The following CACNA1C variants were observed in gnomAD, a reference collection of about 807,000 sequenced individuals.
The protein encoded by CACNA1C is voltage-dependent L-type calcium channel subunit alpha-1C.
A neutral mutation model predicts 229.0 loss-of-function variants in CACNA1C; 30 were observed. The observed-to-expected ratio is 0.13, with a 90% confidence interval of 0.10 to 0.18. The LOEUF (loss-of-function observed/expected upper bound fraction) is 0.18. Among genes scored for constraint, CACNA1C ranks in the 10% least tolerant of loss-of-function variants. CACNA1C has a pLI of 1.00. For missense variants in CACNA1C, 1,658 were observed against 2,845.0 expected (o/e 0.58, Z 9.49); for synonymous variants, 1,114 against 1,132.5 (o/e 0.98, Z 0.33).
intron 1 of CACNA1C, among the ~76,000 whole-genome samples, chr12:1,988,464 G>A (rs1484508691): frequency 6.6e-6 from 1 of 152,178 alleles, no homozygotes; most frequent in African/African-American, 2.4e-5. Flanking sequence ...TCTGCAGGGT[G>A]GGTCAATGCG....
At chr12:2,558,463 C>T (rs2045732110) in intron 11 of CACNA1C, among the ~76,000 whole-genome samples, 1 of 152,232 alleles carries the variant, frequency 6.6e-6, no homozygotes, top group South Asian at 2.1e-4. Context: ...GACTTTAGCA[C>T]CTCTATACCT....
intron 3 of CACNA1C, among the ~76,000 whole-genome samples, chr12:2,408,125 A>G (rs2098759564): frequency 6.6e-6 from 1 of 152,250 alleles, no homozygotes; most frequent in African/African-American, 2.4e-5. Context: ...TATGCTAAGT[A>G]AAATAAGCCA....
chr12:2,208,325 A>G (rs1344972584), intron 3 of CACNA1C, among the ~76,000 whole-genome samples: 4 of 152,240 alleles, frequency 2.6e-5, no homozygotes. Flanking sequence ...AAGAACAGCT[A>G]GACAACGCAC....
Position 2,434,369 on chromosome 12 carries a change from G to A in CACNA1C, c.478-14607G>A, listed in dbSNP as rs116113675. ...ATTTCTTAAGTATTTCCTATTTAAT[G>A]TGTTCAGTTCACATCTTCCCTTTAG... On this transcript the variant is annotated intron_variant, in intron 3 of 46. Coordinates refer to ENST00000399655, the MANE Select transcript of CACNA1C (RefSeq NM_000719.7). Among the ~76,000 whole-genome samples the A allele has an allele frequency of 6.4e-4, 97 of 152,312 alleles. 1 individual carries two copies. The highest frequency in any genetic ancestry group is 2.2e-3 in the African/African-American group (93 of 41,560).
intron 30 of CACNA1C, among the ~76,000 whole-genome samples, chr12:2,637,580 G>A (rs946495241): frequency 6.6e-6 from 1 of 152,166 alleles, no homozygotes; most frequent in Non-Finnish European, 1.5e-5. Context: ...GGCTCACATC[G>A]CAGCCAGTGT....
intron 9 of CACNA1C, among the ~76,000 whole-genome samples, chr12:2,536,068 G>A (rs958544266): frequency 2.0e-5 from 3 of 152,228 alleles, no homozygotes; most frequent in Admixed American, 1.3e-4. Flanking sequence ...CCTGTCTGAG[G>A]AAGTCTTGCT....
intron 1 of CACNA1C, among the ~76,000 whole-genome samples, chr12:2,107,299 T>C (rs1452040033): frequency 6.5e-5 from 9 of 139,358 alleles, no homozygotes; most frequent in Non-Finnish European, 9.3e-5. Context: ...AGCCACTGGG[T>C]GCTCACCCTG....
chr12:2,560,934 G>C (rs11062276), intron 11 of CACNA1C, among the ~76,000 whole-genome samples: 1 of 149,762 alleles, frequency 6.7e-6, no homozygotes, highest in Non-Finnish European at 1.5e-5. Context: ...TGTTGTCGAC[G>C]ATTCCAGATG....
rs1596143510 is a variant in CACNA1C, at chr12:2,434,347, T to C, written c.478-14629T>C. On this transcript the variant is annotated intron_variant, in intron 3 of 46. Transcript: ENST00000399655. ...ACTAGGGGTTGGGGAAAGGGACATT[T>C]CTTAAGTATTTCCTATTTAATGTGT... Among the ~76,000 whole-genome samples the C allele has an allele frequency of 3.9e-5, 6 of 152,192 alleles. No homozygotes were observed. In the South Asian group the frequency reaches 1.2e-3, roughly 32 times the overall value.
chr12:2,205,458 A>C (rs1257339262), intron 3 of CACNA1C, among the ~76,000 whole-genome samples: 1 of 152,200 alleles, frequency 6.6e-6, no homozygotes, highest in Non-Finnish European at 1.5e-5. Flanking sequence ...ATTCTAAATC[A>C]CCTTAACCTT....
At chr12:2,641,232 C>T (rs1007842967) in intron 30 of CACNA1C, among the ~76,000 whole-genome samples, 7 of 152,184 alleles carry the variant, frequency 4.6e-5, no homozygotes, top group Non-Finnish European at 1.0e-4. Context: ...CTTGAGCACC[C>T]GCTGTGTGAT....
At chr12:2,396,454 C>T (rs2098580592) in intron 3 of CACNA1C, among the ~76,000 whole-genome samples, 2 of 152,198 alleles carry the variant, frequency 1.3e-5, no homozygotes, top group Non-Finnish European at 2.9e-5. Context: ...GGCGATCCGG[C>T]TGCCCAAGTG....
chr12:2,692,196 T>C lies in CACNA1C; in HGVS notation c.*997T>C, dbSNP rs117750631. 6.6e-6 allele frequency: 1 copy of C among 152,384 alleles called. No homozygotes were observed. The highest frequency in any genetic ancestry group is 1.9e-4 in the East Asian group (1 of 5,194). 9.4% of individuals were successfully genotyped at this position (152,384 alleles called of 1,614,324 possible). On this transcript the variant is annotated 3_prime_UTR_variant, in exon 47 of 47. Coordinates refer to ENST00000399655, the MANE Select transcript of CACNA1C (RefSeq NM_000719.7). ...GCCCAATAATTTGTTATCATTTCCTTAGGTAGTAACCTATTTTTGTTCTGG... is the reference window on the plus strand; with the variant it reads ...GCCCAATAATTTGTTATCATTTCCTCAGGTAGTAACCTATTTTTGTTCTGG...
At chr12:2,615,365 G>A (rs2079928256) in intron 29 of CACNA1C, among the ~76,000 whole-genome samples, 1 of 152,232 alleles carries the variant, frequency 6.6e-6, no homozygotes, top group Non-Finnish European at 1.5e-5. Flanking sequence ...AATATGCAAT[G>A]CCTGGGGAAA....
chr12:2,062,096 T>C (rs915876294), intron 1 of CACNA1C, among the ~76,000 whole-genome samples: 11 of 152,238 alleles, frequency 7.2e-5, no homozygotes, highest in African/African-American at 2.7e-4. Flanking sequence ...CACCTTGTTC[T>C]ACCCCCAGCT....
intron 15 of CACNA1C, among the ~76,000 whole-genome samples, chr12:2,583,226 C>T (rs1015752882): frequency 1.3e-5 from 2 of 152,242 alleles, no homozygotes; most frequent in Non-Finnish European, 2.9e-5. Context: ...GCGTGTGCGG[C>T]CACTCACACC....
intron 3 of CACNA1C, among the ~76,000 whole-genome samples, chr12:2,318,778 G>A (rs751549039): frequency 4.6e-5 from 7 of 152,018 alleles, no homozygotes; most frequent in Non-Finnish European, 8.8e-5. Context: ...GGGGATGGAG[G>A]ATGGGAAATA....
At chr12:2,191,963 C>G (rs1566272870) in intron 3 of CACNA1C, among the ~76,000 whole-genome samples, 1 of 152,070 alleles carries the variant, frequency 6.6e-6, no homozygotes. Context: ...CACACATGTA[C>G]TCACAGGCAC....
intron 1 of CACNA1C, among the ~76,000 whole-genome samples, chr12:2,072,608 C>T (rs533746677): frequency 1.1e-4 from 16 of 152,174 alleles, no homozygotes; most frequent in Non-Finnish European, 1.8e-4. Flanking sequence ...GTGTTTTAAA[C>T]TTTCAAGATG....
Sources: gnomAD v4.1 joint callset for allele counts (sites outside exome capture counted in the v4.1 genomes callset) on GRCh38, gnomAD v4.1.1 for gene constraint, MANE v1.5 for transcripts, NCBI Gene and HGNC (gene_info 2026-07-23, HGNC 2026-07-21) for gene names.